The following NCOA1 variants were observed in gnomAD, a reference collection of about 807,000 sequenced individuals.
NCOA1 encodes the protein Hin-2 protein.
In NCOA1, 35 loss-of-function variants were observed where a neutral mutation model predicts 150.9. The ratio of observed to expected loss-of-function variants is 0.23; its 90% CI spans 0.18 to 0.31. The LOEUF (loss-of-function observed/expected upper bound fraction) is 0.31. Ranked by LOEUF, NCOA1 falls within the 10% of genes least tolerant of loss-of-function variation. NCOA1 has a pLI of 1.00. For synonymous variants in NCOA1, 590 were observed against 630.0 expected, an observed-to-expected ratio of 0.94 and a Z score of 0.95; for missense variants, 1,491 against 1,749.3, an observed-to-expected ratio of 0.85 and a Z score of 2.63.
At chr2:24,582,506 ATAT>A (rs1667235003) in intron 2 of NCOA1, among the ~76,000 whole-genome samples, 1 of 152,216 alleles carries the variant, frequency 6.6e-6, no homozygotes, top group South Asian at 2.1e-4. Flanking sequence ...CAAAGAGCTA[ATAT>A]TGTCAAAATG....
At chr2:24,624,729 T>G (rs1239013019) in intron 3 of NCOA1, among the ~76,000 whole-genome samples, 2 of 152,258 alleles carry the variant, frequency 1.3e-5, no homozygotes, top group Non-Finnish European at 2.9e-5. Context: ...AAGATATTAC[T>G]CTACGTATCA....
intron 20 of NCOA1, among the ~76,000 whole-genome samples, chr2:24,757,750 G>C (rs1294212353): frequency 6.6e-6 from 1 of 152,030 alleles, no homozygotes; most frequent in African/African-American, 2.4e-5. Context: ...CTCTGATATT[G>C]TGCCAGATAA....
At chr2:24,664,889 A>G (rs1343078922) in intron 5 of NCOA1, among the ~76,000 whole-genome samples, 1 of 152,112 alleles carries the variant, frequency 6.6e-6, no homozygotes, top group Non-Finnish European at 1.5e-5. Flanking sequence ...TTCCTATTAT[A>G]TTAGTTTGAT....
At chr2:24,706,447 C>CT in intron 12 of NCOA1, 121 bp from the exon 13 acceptor site, 1 of 1,173,032 alleles carries the variant, frequency 8.5e-7, no homozygotes, top group Non-Finnish European at 1.1e-6. Context: ...TACAGAAGCT[C>CT]TTTACTTGAT....
intron 20 of NCOA1, among the ~76,000 whole-genome samples, chr2:24,753,309 A>G (rs1460184398): frequency 6.6e-6 from 1 of 152,052 alleles, no homozygotes; most frequent in Non-Finnish European, 1.5e-5. Context: ...ATTCTCCCTA[A>G]TGAAATCCAA....
chr2:24,678,258 T>C (rs1256018136), intron 7 of NCOA1, among the ~76,000 whole-genome samples: 3 of 152,250 alleles, frequency 2.0e-5, no homozygotes, highest in East Asian at 1.9e-4. Context: ...ATGGTGTATA[T>C]GTACCACATT....
intron 19 of NCOA1, 72 bp downstream of exon 19, chr2:24,742,258 T>TAGA: frequency 1.3e-6 from 2 of 1,490,660 alleles, no homozygotes; most frequent in South Asian, 2.7e-5. Flanking sequence ...TCTTTATGTC[T>TAGA]GTGCTTGGAC....
intron 3 of NCOA1, among the ~76,000 whole-genome samples, chr2:24,624,319 CTGA>C (rs1669306118): frequency 1.3e-5 from 2 of 152,236 alleles, no homozygotes; most frequent in South Asian, 4.1e-4. Flanking sequence ...AATTTAAGAA[CTGA>C]TGATCTATGG....
At chr2:24,548,552 A>G (rs931177690) in intron 1 of NCOA1, among the ~76,000 whole-genome samples, 1 of 152,332 alleles carries the variant, frequency 6.6e-6, no homozygotes, top group Admixed American at 6.5e-5. Context: ...TCAAAAGTCC[A>G]CAGTCCAAAG....
At chr2:24,659,767 T>A (rs538937107) in intron 5 of NCOA1, among the ~76,000 whole-genome samples, 3 of 152,168 alleles carry the variant, frequency 2.0e-5, no homozygotes, top group Non-Finnish European at 4.4e-5. Context: ...GGGGGAGCTG[T>A]CCTGTATTTT....
Position 24,769,736 on chromosome 2 carries a change from C to G in NCOA1, c.*1345C>G. The G allele has an allele frequency of 1.4e-5, 3 of 221,076 alleles. No homozygotes were observed. Among genetic ancestry groups the G allele is most frequent in the Non-Finnish European group, 2.7e-5 (3 of 110,208 alleles). The allele number at this position is 221,076 out of a possible 1,614,324, so 13.7% of individuals were successfully genotyped here. On this transcript the variant is annotated 3_prime_UTR_variant, in exon 23 of 23. Transcript: ENST00000348332. ...GCCACATCCCATCTCATCCTGGCCT[C>G]TGAGTCAAGAACCCAGTGAACTGAC...
intron 3 of NCOA1, among the ~76,000 whole-genome samples, chr2:24,624,255 C>G (rs1218775641): frequency 6.6e-6 from 1 of 152,062 alleles, no homozygotes; most frequent in Admixed American, 6.5e-5. Context: ...TTAATTAAAC[C>G]TCTTTGGGTC....
chr2:24,727,493 C>A (rs1037471502), intron 15 of NCOA1, among the ~76,000 whole-genome samples: 8 of 152,186 alleles, frequency 5.3e-5, no homozygotes, highest in Non-Finnish European at 7.3e-5. Flanking sequence ...GAATTTCTTA[C>A]TCCCCGCAGG....
intron 5 of NCOA1, among the ~76,000 whole-genome samples, chr2:24,663,256 C>T (rs975211593): frequency 2.0e-5 from 3 of 152,098 alleles, no homozygotes; most frequent in Admixed American, 2.0e-4. Context: ...TTACTTTATA[C>T]CTTTGAAAAA....
chr2:24,600,345 A>G (rs1024110222), intron 3 of NCOA1, among the ~76,000 whole-genome samples: 8 of 152,134 alleles, frequency 5.3e-5, no homozygotes, highest in African/African-American at 1.9e-4. Context: ...AGCTGAGACT[A>G]CAGGCATGTG....
chr2:24,723,986 C>T (rs753192493), intron 14 of NCOA1, among the ~76,000 whole-genome samples: 1 of 152,126 alleles, frequency 6.6e-6, no homozygotes, highest in African/African-American at 2.4e-5. Flanking sequence ...ATGCTTTCTA[C>T]TTGGTGTACA....
chr2:24,755,103 G>A (rs1664432840), intron 20 of NCOA1, among the ~76,000 whole-genome samples: 1 of 152,194 alleles, frequency 6.6e-6, no homozygotes, highest in South Asian at 2.1e-4. Context: ...GATACCATGA[G>A]GAACACTGAA....
At chr2:24,710,106 T>C (rs867226140) in intron 13 of NCOA1, among the ~76,000 whole-genome samples, 13 of 152,036 alleles carry the variant, frequency 8.6e-5, no homozygotes, top group Admixed American at 1.3e-4. Context: ...TATTTATTTA[T>C]TTTTGAGATG....
intron 1 of NCOA1, among the ~76,000 whole-genome samples, chr2:24,563,265 G>A (rs1666359201): frequency 6.6e-6 from 1 of 152,186 alleles, no homozygotes; most frequent in Non-Finnish European, 1.5e-5. Flanking sequence ...GCATAACTGG[G>A]GGCATGTAAA....
Sources: gnomAD v4.1 joint callset for allele counts (sites outside exome capture counted in the v4.1 genomes callset) on GRCh38, gnomAD v4.1.1 for gene constraint, MANE v1.5 for transcripts, NCBI Gene and HGNC (gene_info 2026-07-23, HGNC 2026-07-21) for gene names.